The following STK10 variants were observed in gnomAD, a reference collection of about 807,000 sequenced individuals.
STK10 encodes serine/threonine-protein kinase 10.
In STK10, 78 loss-of-function variants were observed where a neutral mutation model predicts 113.8. The ratio of observed to expected loss-of-function variants is 0.69; its 90% CI spans 0.57 to 0.83. The LOEUF is 0.83. Ranked by LOEUF, STK10 falls within the 40% of genes least tolerant of loss-of-function variation. STK10 has a pLI of 0.00. For missense variants in STK10, 1,109 were observed against 1,280.1 expected, an observed-to-expected ratio of 0.87 and a Z score of 2.04; for synonymous variants, 465 against 494.7, an observed-to-expected ratio of 0.94 and a Z score of 0.80.
At chr5:172,137,460 A>T (rs1278588846) in intron 2 of STK10, among the ~76,000 whole-genome samples, 1 of 152,182 alleles carries the variant, frequency 6.6e-6, no homozygotes, top group African/African-American at 2.4e-5. Flanking sequence ...ATAAAAAAAA[A>T]CTACGTGATC....
chr5:172,049,748 T>C (rs917269971), intron 18 of STK10, among the ~76,000 whole-genome samples: 1 of 152,198 alleles, frequency 6.6e-6, no homozygotes, highest in Non-Finnish European at 1.5e-5. Context: ...ATTAAGACAA[T>C]GGCCCCTCCT....
chr5:172,075,282 A>T (rs1768283868), intron 12 of STK10, among the ~76,000 whole-genome samples: 1 of 152,208 alleles, frequency 6.6e-6, no homozygotes, highest in Non-Finnish European at 1.5e-5. Context: ...TTGAGAAAAT[A>T]CTTGCATACA....
At chr5:172,065,070 C>A (rs1768040385) in intron 12 of STK10, among the ~76,000 whole-genome samples, 1 of 152,204 alleles carries the variant, frequency 6.6e-6, no homozygotes. Flanking sequence ...GGTATCCACC[C>A]CCCTCTTCTG....
Position 172,120,408 on chromosome 5 carries a change from A to G in STK10, c.371-2778T>C, listed in dbSNP as rs572527716. On this transcript the variant is annotated intron_variant, in intron 3 of 18. Coordinates refer to ENST00000176763, the MANE Select transcript of STK10 (RefSeq NM_005990.4). The surrounding 1 kb of genome is among the most constrained non-coding windows in gnomAD (Gnocchi z 4.0). ...GCTCTGGGAAGCCAGGCCCCAGACC[A>G]GGGCTCCTGGACCAGGGACCCTTCT... Among the ~76,000 whole-genome samples the G allele has an allele frequency of 6.6e-6, 1 of 152,298 alleles. No individual in the cohort carries two copies. The highest frequency in any genetic ancestry group is 2.1e-4 in the South Asian group (1 of 4,828).
chr5:172,127,329 G>A lies in STK10; in HGVS notation c.370+44C>T, dbSNP rs765294795. Reference sequence around the variant, plus strand: ...AGCAGTCAGGCTTAGGACTCCAAACGAGTCGTCTGGTCCCGACAATGCACC... The same window carrying A: ...AGCAGTCAGGCTTAGGACTCCAAACAAGTCGTCTGGTCCCGACAATGCACC... On this transcript the variant is annotated intron_variant, in intron 3 of 18. Transcript: ENST00000176763. 8.1e-6 allele frequency: 13 copies of A among 1,610,876 alleles called. No homozygotes were observed. In the South Asian group the frequency reaches 1.2e-4, roughly 15 times the overall value.
intron 3 of STK10, among the ~76,000 whole-genome samples, chr5:172,122,241 G>A (rs1769527032): frequency 6.6e-6 from 1 of 152,114 alleles, no homozygotes; most frequent in South Asian, 2.1e-4. Context: ...AAGGTATACA[G>A]TTTTATAAAT....
intron 8 of STK10, among the ~76,000 whole-genome samples, chr5:172,094,824 C>A (rs904713641): frequency 7.9e-5 from 12 of 152,316 alleles, no homozygotes; most frequent in Middle Eastern, 3.4e-3. Context: ...GGATTCAGCC[C>A]TTGTGGCCAC....
In STK10 at chr5:172,090,277, A is replaced by G. The variant is rs1768669727; in HGVS notation, c.1640T>C (p.Ile547Thr). Residue 547 changes from isoleucine to threonine, a missense_variant, in exon 10 of 19, where the codon ATC (isoleucine) becomes ACC (threonine). Ile to Thr is a moderately conservative substitution (Grantham distance 89). Around this residue, in one of 5 missense-constraint regions of STK10, gnomAD observed 885 missense variants for 991.1 expected, o/e 0.89. Transcript: ENST00000176763. Reference protein sequence around the residue: ...GVEVSITTSKIISEDEKKDEE... With the variant: ...GVEVSITTSKTISEDEKKDEE... Reference sequence around the variant, plus strand: ...ATCCTTCTTCTCATCTTCGCTGATGATCTTGGAGGTGGTGATGCTCACCTC... The same window carrying G: ...ATCCTTCTTCTCATCTTCGCTGATGGTCTTGGAGGTGGTGATGCTCACCTC... The G allele has an allele frequency of 6.2e-7, 1 of 1,613,872 alleles. No individual in the cohort carries two copies. Among genetic ancestry groups the G allele is most frequent in the African/African-American group, 1.3e-5 (1 of 74,858 alleles).
chr5:172,074,849 T>C (rs936294562), intron 12 of STK10, among the ~76,000 whole-genome samples: 1 of 152,016 alleles, frequency 6.6e-6, no homozygotes, highest in Non-Finnish European at 1.5e-5. Context: ...TGAAACCCTG[T>C]CTCTAATAAA....
intron 18 of STK10, chr5:172,045,371 T>A: frequency 2.0e-6 from 1 of 496,118 alleles, no homozygotes. Context: ...GGAGAGAGAC[T>A]GAGCAGCAAA....
At chr5:172,092,269 C>T (rs181144191) in intron 9 of STK10, among the ~76,000 whole-genome samples, 5 of 152,306 alleles carry the variant, frequency 3.3e-5, no homozygotes, top group Non-Finnish European at 7.4e-5. Flanking sequence ...CTCCTAGTCA[C>T]GCCAGGGGGT....
intron 12 of STK10, among the ~76,000 whole-genome samples, chr5:172,073,814 A>T (rs1374574694): frequency 6.7e-6 from 1 of 149,552 alleles, no homozygotes; most frequent in Non-Finnish European, 1.5e-5. Context: ...AAAAAAAAAA[A>T]ATTAGTCAGG....
intron 3 of STK10, among the ~76,000 whole-genome samples, chr5:172,125,784 T>G (rs1200615987): frequency 6.6e-6 from 1 of 152,222 alleles, no homozygotes; most frequent in African/African-American, 2.4e-5. Context: ...TTGTGTAAAG[T>G]GGCCTATGAA....
intron 4 of STK10, among the ~76,000 whole-genome samples, chr5:172,113,223 G>C (rs903056386): frequency 1.3e-5 from 2 of 152,104 alleles, no homozygotes; most frequent in Non-Finnish European, 2.9e-5. Flanking sequence ...CTGCACTGGG[G>C]GGGGTGTCAA....
chr5:172,130,348 T>C (rs1386849649), intron 2 of STK10, among the ~76,000 whole-genome samples: 3 of 152,006 alleles, frequency 2.0e-5, no homozygotes, highest in Admixed American at 6.6e-5. Context: ...CTGGCCAAAA[T>C]GGCAAAACCC....
intron 13 of STK10, chr5:172,063,682 G>T (rs1173940139): frequency 1.3e-5 from 2 of 152,148 alleles, no homozygotes; most frequent in South Asian, 4.1e-4. Context: ...AGGTCATAGG[G>T]TGTCCCGGAG....
Position 172,093,433 on chromosome 5 carries a change from C to T in STK10, c.1533G>A (p.Glu511=). 2 of 1,601,386 alleles carry T rather than the reference C, an allele frequency of 1.2e-6. No individual in the cohort carries two copies. Among genetic ancestry groups the T allele is most frequent in the South Asian group, 1.1e-5 (1 of 90,730 alleles). The change falls in exon 9 of 19, where the codon GAG becomes GAA. Residue 511 remains glutamate, a synonymous_variant. Transcript: ENST00000176763. This position sits in a 1 kb window ranked among gnomAD's most constrained non-coding sequence, Gnocchi z 4.1. ...NLSTDLSLNK[E]MGSLSIKDPK... The stretch of plus-strand genomic sequence containing the variant: ...TTACCTTGATGGACAGAGAGCCCAT[C>T]TCTTTGTTCAGCGACAGGTCAGTGG...
chr5:172,105,479 A>C (rs1769078953), intron 7 of STK10, 177 bp downstream of exon 7: 1 of 656,714 alleles, frequency 1.5e-6, no homozygotes, highest in Admixed American at 2.7e-5. Context: ...TCGTTCCCCA[A>C]GGCACTCCCA....
chr5:172,113,587 G>GTA (rs1168378338), intron 4 of STK10, among the ~76,000 whole-genome samples: 14 of 152,008 alleles, frequency 9.2e-5, no homozygotes, highest in East Asian at 3.9e-4. Context: ...CTAGGAAACT[G>GTA]TATATATATA....
Sources: allele counts gnomAD v4.1 joint callset (sites outside exome capture counted in the v4.1 genomes callset), GRCh38; gene constraint gnomAD v4.1.1; regional missense constraint gnomAD v4.1.1; non-coding constraint Gnocchi (gnomAD v3.1); transcripts MANE v1.5; gene names NCBI Gene and HGNC (gene_info 2026-07-23, HGNC 2026-07-21).